POC1A: variants seen among roughly 807,000 people sequenced by gnomAD.
POC1A encodes the protein POC1 centriolar protein homolog A.
A neutral mutation model predicts 47.8 loss-of-function variants in POC1A; 34 were observed. The ratio of observed to expected loss-of-function variants is 0.71; its 90% CI spans 0.54 to 0.95. The LOEUF (loss-of-function observed/expected upper bound fraction) is 0.95, where lower values mean the gene tolerates loss of function less well. POC1A is among the 40% of genes least tolerant of loss of function. POC1A has a pLI of 0.00. For synonymous variants in POC1A, 177 were observed against 207.6 expected (o/e 0.85, Z 1.27); for missense variants, 466 against 528.3 (o/e 0.88, Z 1.16).
chr3:52,108,764 G>A lies in POC1A; in HGVS notation c.982-12052C>T, dbSNP rs139862906. Among the ~76,000 whole-genome samples the A allele has an allele frequency of 6.6e-5, 10 of 152,322 alleles. No individual in the cohort carries two copies. The East Asian group carries it at 1.9e-3, about 29-fold the overall frequency. ...CCACGATTCCCAGGGAGGAGTTGCA[G>A]AAGGCTGTGTCCCATGGGGTCAAAC... is the stretch of plus-strand genomic sequence containing the variant. On this transcript the variant is annotated intron_variant, in intron 9 of 10. Transcript: ENST00000296484.
intron 9 of POC1A, among the ~76,000 whole-genome samples, chr3:52,099,959 T>A (rs1293452764): frequency 6.6e-6 from 1 of 152,174 alleles, no homozygotes; most frequent in Non-Finnish European, 1.5e-5. Context: ...AATATAAACA[T>A]CTTAATACCA....
At chr3:52,087,186 A>C (rs1702486354) in intron 10 of POC1A, among the ~76,000 whole-genome samples, 1 of 152,128 alleles carries the variant, frequency 6.6e-6, no homozygotes, top group Non-Finnish European at 1.5e-5. Context: ...TGGGGGCGGG[A>C]GTAAAGGAAG....
At chr3:52,098,859 G>T (rs751441092) in intron 9 of POC1A, among the ~76,000 whole-genome samples, 2 of 152,260 alleles carry the variant, frequency 1.3e-5, no homozygotes, top group Middle Eastern at 3.4e-3. Context: ...TCATCCTTAT[G>T]ATGGCCCTTC....
At chr3:52,078,604 G>A (rs908316449) in intron 10 of POC1A, among the ~76,000 whole-genome samples, 1 of 150,064 alleles carries the variant, frequency 6.7e-6, no homozygotes, top group Non-Finnish European at 1.5e-5. Context: ...TCCGCCTCCC[G>A]GGTTCATGCC....
chr3:52,118,193 C>T (rs1484979429), intron 9 of POC1A, among the ~76,000 whole-genome samples: 1 of 152,148 alleles, frequency 6.6e-6, no homozygotes, highest in Admixed American at 6.5e-5. Context: ...TAGCATGTCA[C>T]AAGGCTGAAC....
chr3:52,138,390 C>T (rs1698060077), intron 6 of POC1A, 88 bp from the exon 7 acceptor site: 1 of 1,394,004 alleles, frequency 7.2e-7, no homozygotes, highest in African/African-American at 1.4e-5. Context: ...CCAATCGAGG[C>T]TCAGCACAGG....
intron 7 of POC1A, 96 bp from the exon 8 acceptor site, chr3:52,125,277 C>G: frequency 9.4e-7 from 1 of 1,058,606 alleles, no homozygotes; most frequent in South Asian, 1.4e-5. Flanking sequence ...AAAGCAGCAG[C>G]AGGATAAAGG....
intron 9 of POC1A, among the ~76,000 whole-genome samples, chr3:52,104,748 A>G (rs1216947134): frequency 3.9e-5 from 6 of 152,246 alleles, no homozygotes; most frequent in Non-Finnish European, 5.9e-5. Flanking sequence ...CAATTCCCAA[A>G]GCCCCAGTTT....
chr3:52,092,330 A>T (rs1354524171), intron 10 of POC1A, among the ~76,000 whole-genome samples: 1 of 152,146 alleles, frequency 6.6e-6, no homozygotes, highest in East Asian at 1.9e-4. Context: ...GGTTTGCAGA[A>T]TTTCTTGATG....
chr3:52,149,110 A>C, intron 4 of POC1A, 100 bp downstream of exon 4: 1 of 937,070 alleles, frequency 1.1e-6, no homozygotes, highest in South Asian at 1.5e-5. Flanking sequence ...ACAATGCCTA[A>C]GTAACTTGCC....
At chr3:52,085,314 C>A (rs1190079123) in intron 10 of POC1A, among the ~76,000 whole-genome samples, 2 of 152,208 alleles carry the variant, frequency 1.3e-5, no homozygotes, top group Non-Finnish European at 2.9e-5. Flanking sequence ...CTCCGGCCTG[C>A]TCCTCTCAGT....
At chr3:52,147,398 A>C (rs1698402809) in intron 4 of POC1A, among the ~76,000 whole-genome samples, 2 of 152,042 alleles carry the variant, frequency 1.3e-5, no homozygotes, top group African/African-American at 2.4e-5. Context: ...TTCCTTCTGA[A>C]GAGTTTTTCA....
intron 6 of POC1A, among the ~76,000 whole-genome samples, chr3:52,140,520 A>G (rs1698157511): frequency 2.0e-5 from 3 of 152,204 alleles, no homozygotes; most frequent in African/African-American, 7.2e-5. Flanking sequence ...GGGTCAGTGT[A>G]TGGATGCCAC....
chr3:52,125,907 G>A (rs1192558467), intron 7 of POC1A, among the ~76,000 whole-genome samples: 4 of 152,166 alleles, frequency 2.6e-5, no homozygotes, highest in African/African-American at 9.7e-5. Flanking sequence ...CCAGGGCGGG[G>A]GAGATGGGGG....
At chr3:52,145,801 C>A in intron 6 of POC1A, 45 bp downstream of exon 6, 3 of 1,255,070 alleles carry the variant, frequency 2.4e-6, no homozygotes, top group South Asian at 2.4e-5. Context: ...CCATCACAGT[C>A]CCACCAGGGC....
At chr3:52,136,709 G>A (rs1389611940) in intron 7 of POC1A, among the ~76,000 whole-genome samples, 1 of 152,198 alleles carries the variant, frequency 6.6e-6, no homozygotes, top group African/African-American at 2.4e-5. Context: ...GCAGACAAGT[G>A]ACCACACAAG....
At chr3:52,120,370 G>A (rs1218858214) in intron 9 of POC1A, among the ~76,000 whole-genome samples, 1 of 152,198 alleles carries the variant, frequency 6.6e-6, no homozygotes, top group Non-Finnish European at 1.5e-5. Context: ...CATGGCATGT[G>A]TGTGTCAGTG....
intron 6 of POC1A, among the ~76,000 whole-genome samples, chr3:52,138,941 C>A (rs1698088188): frequency 6.6e-6 from 1 of 152,200 alleles, no homozygotes; most frequent in Admixed American, 6.5e-5. Flanking sequence ...TCAAGAGATT[C>A]TCCTGCCTCA....
intron 7 of POC1A, among the ~76,000 whole-genome samples, chr3:52,134,039 G>A (rs1180005634): frequency 6.6e-6 from 1 of 152,198 alleles, no homozygotes; most frequent in Non-Finnish European, 1.5e-5. Flanking sequence ...CCTTCTGTTG[G>A]ATCAGAATGG....
Sources: allele counts gnomAD v4.1 joint callset (sites outside exome capture counted in the v4.1 genomes callset), GRCh38; gene constraint gnomAD v4.1.1; transcripts MANE v1.5; gene names NCBI Gene and HGNC (gene_info 2026-07-23, HGNC 2026-07-21).